The following SH3RF3 variants were observed in gnomAD, a reference collection of about 807,000 sequenced individuals.
SH3RF3 encodes the protein SH3 domain containing ring finger 3.
Under a neutral mutation model 66.3 loss-of-function variants are expected in SH3RF3, and 29 were observed. The ratio of observed to expected loss-of-function variants is 0.44; its 90% CI spans 0.33 to 0.60. The LOEUF (loss-of-function observed/expected upper bound fraction) is 0.60, where lower values mean the gene tolerates loss of function less well. Ranked by LOEUF, SH3RF3 falls within the 20% of genes least tolerant of loss-of-function variation. The probability of loss-of-function intolerance (pLI) is 0.04; values close to 1 mark genes in which losing one functional copy is unlikely to be tolerated. For missense variants in SH3RF3, 1,194 were observed against 1,190.9 expected (o/e 1.00, Z -0.04); for synonymous variants, 583 against 532.0 (o/e 1.10, Z -1.32).
chr2:109,311,822 G>C (rs1341061863), intron 1 of SH3RF3, among the ~76,000 whole-genome samples: 2 of 151,970 alleles, frequency 1.3e-5, no homozygotes, highest in African/African-American at 4.8e-5. Flanking sequence ...TTACTAAAAT[G>C]GTGGTTTGTC....
Position 109,217,140 on chromosome 2 carries a change from C to T in SH3RF3, c.573+87027C>T, listed in dbSNP as rs576429994. ...TCTTTAAGGCTAAATCCTATTCCAT[C>T]GTACGGTCATCCACATCTTGTTTAT... On this transcript the variant is annotated intron_variant, in intron 1 of 9. Transcript: ENST00000309415. Among the ~76,000 whole-genome samples the T allele has an allele frequency of 4.1e-3, 624 of 152,348 alleles. 3 individuals carry two copies. Among genetic ancestry groups the T allele is most frequent in the Non-Finnish European group, 5.8e-3 (394 of 68,036 alleles).
At chr2:109,307,961 A>G (rs910498897) in intron 1 of SH3RF3, among the ~76,000 whole-genome samples, 1 of 136,802 alleles carries the variant, frequency 7.3e-6, no homozygotes, top group African/African-American at 3.1e-5. Context: ...GCTGGGTCAA[A>G]TGGTATTTCT....
At chr2:109,413,536 G>C (rs960365886) in intron 4 of SH3RF3, among the ~76,000 whole-genome samples, 1 of 152,092 alleles carries the variant, frequency 6.6e-6, no homozygotes, top group African/African-American at 2.4e-5. Context: ...GTCTCTCTCT[G>C]TGTCTCTGTG....
chr2:109,306,756 T>C (rs571823058), intron 1 of SH3RF3, among the ~76,000 whole-genome samples: 1 of 152,318 alleles, frequency 6.6e-6, no homozygotes, highest in African/African-American at 2.4e-5. Context: ...CACTAGGGGA[T>C]GGTGCAGGAA....
chr2:109,261,832 T>C (rs776760749), intron 1 of SH3RF3, among the ~76,000 whole-genome samples: 4 of 152,188 alleles, frequency 2.6e-5, no homozygotes, highest in African/African-American at 9.7e-5. Context: ...CCTTCACTTA[T>C]AGTAGGGAAA....
chr2:109,269,180 C>T (rs1412696688), intron 1 of SH3RF3, among the ~76,000 whole-genome samples: 1 of 152,240 alleles, frequency 6.6e-6, no homozygotes, highest in Non-Finnish European at 1.5e-5. Flanking sequence ...GGACCACAGG[C>T]TGAGATTCCT....
At position 109,303,455 on chromosome 2, in the gene SH3RF3, A is replaced by G. The variant is rs1242507173; in HGVS notation, c.574-44219A>G. 2.6e-5 allele frequency among the ~76,000 whole-genome samples: 4 copies of G among 152,246 alleles called. No individual in the cohort carries two copies. In the East Asian group the frequency reaches 7.7e-4, roughly 29 times the overall value. Reference sequence around the variant, plus strand: ...ATCTTTGTGTAGACTGGTACATGGCAGAACACTAAGAAGATGAAACTTTTT... The same window carrying G: ...ATCTTTGTGTAGACTGGTACATGGCGGAACACTAAGAAGATGAAACTTTTT... On this transcript the variant is annotated intron_variant, in intron 1 of 9. Coordinates refer to ENST00000309415, the MANE Select transcript of SH3RF3 (RefSeq NM_001099289.3).
At chr2:109,235,811 C>T (rs576689846) in intron 1 of SH3RF3, among the ~76,000 whole-genome samples, 101 of 152,328 alleles carry the variant, frequency 6.6e-4, no homozygotes, top group African/African-American at 2.2e-3. Flanking sequence ...CACGTGCACT[C>T]GGCACCAGGG....
chr2:109,282,957 G>T (rs972750262), intron 1 of SH3RF3, among the ~76,000 whole-genome samples: 32 of 152,250 alleles, frequency 2.1e-4, no homozygotes, highest in African/African-American at 6.5e-4. Flanking sequence ...GGGCTGGCTT[G>T]TTACTCTCCC....
intron 1 of SH3RF3, among the ~76,000 whole-genome samples, chr2:109,158,282 C>T (rs1338819432): frequency 6.6e-6 from 1 of 152,196 alleles, no homozygotes; most frequent in African/African-American, 2.4e-5. Context: ...CTCCCGGTTG[C>T]CACTTGTCTC....
intron 1 of SH3RF3, among the ~76,000 whole-genome samples, chr2:109,225,958 C>T (rs1263821998): frequency 6.6e-6 from 1 of 152,176 alleles, no homozygotes; most frequent in African/African-American, 2.4e-5. Context: ...AGTCCCTATT[C>T]TAATCTGTTG....
chr2:109,437,135 C>G lies in SH3RF3; in HGVS notation c.1817C>G (p.Thr606Ser). ...AQPTASQARS[T>S]ISTAAHSAAQ... ...CCAACGGCCAGCCAAGCCCGGAGCACCATTTCAACAGGTACCTTCACAGGG... is the reference window on the plus strand; with the variant it reads ...CCAACGGCCAGCCAAGCCCGGAGCAGCATTTCAACAGGTACCTTCACAGGG... The change falls in exon 7 of 10, where the codon ACC becomes AGC. Residue 606 changes from threonine (T) to serine (S), a missense_variant. Coordinates refer to ENST00000309415, the MANE Select transcript of SH3RF3 (RefSeq NM_001099289.3). The G allele has an allele frequency of 6.2e-7, 1 of 1,610,536 alleles. No homozygotes were observed. Among genetic ancestry groups the G allele is most frequent in the East Asian group, 2.2e-5 (1 of 44,770 alleles).
intron 1 of SH3RF3, among the ~76,000 whole-genome samples, chr2:109,261,985 A>G (rs972184778): frequency 1.3e-5 from 2 of 152,188 alleles, no homozygotes; most frequent in East Asian, 1.9e-4. Context: ...AAGGGCCACA[A>G]AGCTCTATAA....
At chr2:109,342,257 T>G (rs997493333) in intron 1 of SH3RF3, among the ~76,000 whole-genome samples, 5 of 152,200 alleles carry the variant, frequency 3.3e-5, no homozygotes, top group Non-Finnish European at 7.3e-5. Flanking sequence ...TTGGGCAACA[T>G]GGACTGTGAA....
At chr2:109,242,868 A>G (rs2105226534) in intron 1 of SH3RF3, among the ~76,000 whole-genome samples, 1 of 152,286 alleles carries the variant, frequency 6.6e-6, no homozygotes, top group East Asian at 1.9e-4. Flanking sequence ...CAGATTATCT[A>G]TTCTCACAAA....
intron 1 of SH3RF3, among the ~76,000 whole-genome samples, chr2:109,334,714 G>A (rs1682368665): frequency 6.6e-6 from 1 of 152,228 alleles, no homozygotes; most frequent in Non-Finnish European, 1.5e-5. Flanking sequence ...GCTGCAATAT[G>A]CCTCTTCAAC....
intron 4 of SH3RF3, among the ~76,000 whole-genome samples, chr2:109,402,441 T>G (rs1676340707): frequency 1.3e-5 from 2 of 152,224 alleles, no homozygotes; most frequent in Admixed American, 1.3e-4. Context: ...TGCTGTGTCA[T>G]GGGCTCATCC....
chr2:109,155,387 G>A (rs917475063), intron 1 of SH3RF3, among the ~76,000 whole-genome samples: 5 of 152,082 alleles, frequency 3.3e-5, no homozygotes, highest in Non-Finnish European at 7.4e-5. Context: ...TGCAAGCTCC[G>A]CCTCCTGAGT....
intron 1 of SH3RF3, among the ~76,000 whole-genome samples, chr2:109,233,095 C>T (rs998659601): frequency 2.6e-5 from 4 of 152,126 alleles, no homozygotes; most frequent in East Asian, 1.9e-4. Context: ...ACAGCAGTGG[C>T]GAGGGGTGTG....
Sources: gnomAD v4.1 joint callset for allele counts (sites outside exome capture counted in the v4.1 genomes callset) on GRCh38, gnomAD v4.1.1 for gene constraint, MANE v1.5 for transcripts, NCBI Gene and HGNC (gene_info 2026-07-23, HGNC 2026-07-21) for gene names.